Variants in PAPPA observed in about 807,000 individuals in gnomAD.
PAPPA encodes the protein pappalysin 1, also known as pappalysin-1.
PAPPA carries 60 observed loss-of-function variants against 164.0 expected under a neutral mutation model. The observed-to-expected ratio is 0.37, with a 90% CI of 0.30 to 0.45. PAPPA has a LOEUF of 0.45. Ranked by LOEUF, PAPPA falls within the 20% of genes least tolerant of loss-of-function variation. The pLI is 1.00. For missense variants in PAPPA, 1,782 were observed against 2,087.3 expected, an observed-to-expected ratio of 0.85 and a Z score of 2.85; for synonymous variants, 875 against 814.1, an observed-to-expected ratio of 1.07 and a Z score of -1.27.
At chr9:116,186,350 A>C (rs1033253040) in intron 1 of PAPPA, among the ~76,000 whole-genome samples, 1 of 151,952 alleles carries the variant, frequency 6.6e-6, no homozygotes, top group Non-Finnish European at 1.5e-5. Flanking sequence ...ACACAGGGGA[A>C]CTGTCAATGA....
At chr9:116,394,229 T>C (rs1184274601) in intron 21 of PAPPA, among the ~76,000 whole-genome samples, 2 of 152,086 alleles carry the variant, frequency 1.3e-5, no homozygotes, top group African/African-American at 4.8e-5. Flanking sequence ...GATCGTGAAA[T>C]ACGAGTGAGG....
In PAPPA at chr9:116,154,455, C is replaced by G; in HGVS notation, c.283C>G (p.Arg95Gly). 1.6e-6 allele frequency: 2 copies of G among 1,285,390 alleles called. No homozygotes were observed. The highest frequency in any genetic ancestry group is 2.0e-6 in the Non-Finnish European group (2 of 1,017,190). 79.6% of individuals were successfully genotyped at this position (1,285,390 alleles called of 1,614,324 possible). ...GATEEPSPPS[R>G]ALYFSGRGEQ... Reference sequence around the variant, plus strand: ...CACCGAGGAGCCGAGCCCGCCGAGCCGGGCGCTCTATTTCAGCGGGCGAGG... The same window carrying G: ...CACCGAGGAGCCGAGCCCGCCGAGCGGGGCGCTCTATTTCAGCGGGCGAGG... Residue 95 changes from arginine (R) to glycine (G), a missense_variant, in exon 1 of 22, where the codon CGG becomes GGG. Physicochemically the swap from Arg to Gly is moderately radical, Grantham distance 125. This residue lies in a region of PAPPA where 458 missense variants were observed against 430.3 expected (regional missense o/e 1.06). Coordinates refer to ENST00000328252, the MANE Select transcript of PAPPA (RefSeq NM_002581.5). This position sits in a 1 kb window ranked among gnomAD's most constrained non-coding sequence, Gnocchi z 5.2.
At chr9:116,393,055 A>G (rs1038862739) in intron 21 of PAPPA, among the ~76,000 whole-genome samples, 4 of 152,146 alleles carry the variant, frequency 2.6e-5, no homozygotes, top group African/African-American at 9.7e-5. Context: ...AGGAAGAAAA[A>G]GGTGACACCA....
chr9:116,389,281 C>T (rs1022277912), intron 21 of PAPPA, among the ~76,000 whole-genome samples: 12 of 151,970 alleles, frequency 7.9e-5, no homozygotes. Flanking sequence ...TACAGGCACA[C>T]ACCACCACAC....
intron 9 of PAPPA, among the ~76,000 whole-genome samples, chr9:116,283,666 C>G (rs982321932): frequency 6.6e-6 from 1 of 152,146 alleles, no homozygotes; most frequent in African/African-American, 2.4e-5. Flanking sequence ...GAAACCCAGC[C>G]CAAATTATCC....
At chr9:116,157,631 C>T (rs904027574) in intron 1 of PAPPA, among the ~76,000 whole-genome samples, 5 of 152,088 alleles carry the variant, frequency 3.3e-5, no homozygotes, top group Admixed American at 2.6e-4. Flanking sequence ...GACACAGCTC[C>T]TCAGCGGCAG....
rs1162159235 is a variant in PAPPA, at chr9:116,335,895, C to T, written c.3611+821C>T. Among the ~76,000 whole-genome samples, 3 of 152,320 alleles carry T rather than the reference C, an allele frequency of 2.0e-5. No individual in the cohort carries two copies. The East Asian group carries it at 5.8e-4, about 29-fold the overall frequency. On this transcript the variant is annotated intron_variant, in intron 13 of 21. Coordinates refer to ENST00000328252, the MANE Select transcript of PAPPA (RefSeq NM_002581.5). Reference sequence around the variant, plus strand: ...CTATAGATAAAAGTATTCCTGCAGACTGTTAGGCACTATGCAAACATAACA... The same window carrying T: ...CTATAGATAAAAGTATTCCTGCAGATTGTTAGGCACTATGCAAACATAACA...
At chr9:116,390,518 G>A (rs187699413) in intron 21 of PAPPA, among the ~76,000 whole-genome samples, 1 of 152,100 alleles carries the variant, frequency 6.6e-6, no homozygotes. Flanking sequence ...TATTCAGGAG[G>A]ATTTGAAGCA....
At chr9:116,167,061 A>C (rs1843726811) in intron 1 of PAPPA, among the ~76,000 whole-genome samples, 1 of 152,228 alleles carries the variant, frequency 6.6e-6, no homozygotes, top group Non-Finnish European at 1.5e-5. Context: ...TGCAAAGTAT[A>C]TTTTATTTGC....
Position 116,366,702 on chromosome 9 carries a change from A to G in PAPPA, c.4496-943A>G, listed in dbSNP as rs115107312. Among the ~76,000 whole-genome samples, 954 of 151,916 alleles carry G rather than the reference A, an allele frequency of 6.3e-3. 6 individuals are homozygous for G. Among genetic ancestry groups the G allele is most frequent in the African/African-American group, 0.022 (914 of 41,232 alleles). On this transcript the variant is annotated intron_variant, in intron 18 of 21. Coordinates refer to ENST00000328252, the MANE Select transcript of PAPPA (RefSeq NM_002581.5). The stretch of plus-strand genomic sequence containing the variant: ...GGGGAGCATGGGTAGTGCTGGCCCT[A>G]TAGAGTTACAGTCCAGCAGGGAAGA...
Position 116,317,334 on chromosome 9 carries a change from C to T in PAPPA, c.3148-13910C>T, listed in dbSNP as rs144938719. Among the ~76,000 whole-genome samples the T allele has an allele frequency of 2.0e-3, 302 of 152,228 alleles. 1 individual carries two copies. The highest frequency in any genetic ancestry group is 7.1e-3 in the African/African-American group (295 of 41,534). ...GTGATCATCACTTTCCTGATTAACC[C>T]ATGAATGCCCAGGGACTTTGATTTA... On this transcript the variant is annotated intron_variant, in intron 10 of 21. Coordinates refer to ENST00000328252, the MANE Select transcript of PAPPA (RefSeq NM_002581.5).
chr9:116,180,399 T>C (rs1843889675), intron 1 of PAPPA, among the ~76,000 whole-genome samples: 2 of 152,082 alleles, frequency 1.3e-5, no homozygotes, highest in African/African-American at 4.8e-5. Context: ...GCTGGGATCC[T>C]TGGAGGGAAA....
chr9:116,327,616 C>G (rs1339354539), intron 10 of PAPPA, among the ~76,000 whole-genome samples: 1 of 151,768 alleles, frequency 6.6e-6, no homozygotes, highest in Non-Finnish European at 1.5e-5. Context: ...CGGATGAAAA[C>G]AGAGCATCCC....
At chr9:116,285,171 C>CTTTTT in intron 9 of PAPPA, among the ~76,000 whole-genome samples, 6,027 of 89,374 alleles carry the variant, frequency 0.067, 712 homozygotes, top group African/African-American at 0.17. Context: ...TTCTTTCTTT[C>CTTTTT]TTTTTTTTTT....
At chr9:116,305,488 C>A (rs570720289) in intron 10 of PAPPA, among the ~76,000 whole-genome samples, 7 of 151,828 alleles carry the variant, frequency 4.6e-5, no homozygotes, top group African/African-American at 1.4e-4. Flanking sequence ...CACACACACA[C>A]ACATACATAC....
At chr9:116,339,386 T>C (rs1300183787) in intron 13 of PAPPA, among the ~76,000 whole-genome samples, 2 of 152,246 alleles carry the variant, frequency 1.3e-5, no homozygotes, top group South Asian at 2.1e-4. Flanking sequence ...GCTTGAACCC[T>C]GCAGGCTACT....
At chr9:116,253,537 T>C (rs1419891332) in intron 7 of PAPPA, among the ~76,000 whole-genome samples, 2 of 152,148 alleles carry the variant, frequency 1.3e-5, no homozygotes, top group Non-Finnish European at 2.9e-5. Context: ...CATACAATAC[T>C]TTCTGTCTCA....
chr9:116,314,097 G>A (rs925232376), intron 10 of PAPPA, among the ~76,000 whole-genome samples: 8 of 114,372 alleles, frequency 7.0e-5, no homozygotes, highest in Non-Finnish European at 1.0e-4. Context: ...TTTTGAGATG[G>A]AGTCTCACTC....
chr9:116,175,242 C>T (rs73654625), intron 1 of PAPPA, among the ~76,000 whole-genome samples: 2,423 of 152,266 alleles, frequency 0.016, 61 homozygotes, highest in African/African-American at 0.056. Context: ...GGGCGCCCTC[C>T]AGTACCAAGA....
Sources: allele counts gnomAD v4.1 joint callset (sites outside exome capture counted in the v4.1 genomes callset), GRCh38; gene constraint gnomAD v4.1.1; regional missense constraint gnomAD v4.1.1; non-coding constraint Gnocchi (gnomAD v3.1); transcripts MANE v1.5; gene names NCBI Gene and HGNC (gene_info 2026-07-23, HGNC 2026-07-21).